SMCHD1: variants seen among roughly 807,000 people sequenced by gnomAD.
The protein encoded by SMCHD1 is structural maintenance of chromosomes flexible hinge domain containing 1, also known as structural maintenance of chromosomes flexible hinge domain-containing protein 1.
A neutral mutation model predicts 254.7 loss-of-function variants in SMCHD1; 78 were observed. The ratio of observed to expected loss-of-function variants is 0.31; its 90% CI spans 0.26 to 0.37. The LOEUF (loss-of-function observed/expected upper bound fraction) is 0.37. Ranked by LOEUF, SMCHD1 falls within the 10% of genes least tolerant of loss-of-function variation. SMCHD1 has a pLI of 1.00. For synonymous variants in SMCHD1, 766 were observed against 794.9 expected (o/e 0.96, Z 0.61); for missense variants, 1,840 against 2,408.1 (o/e 0.76, Z 4.94).
chr18:2,718,105 T>C lies in SMCHD1; in HGVS notation c.2261-53T>C, dbSNP rs1046029855. 5.7e-6 allele frequency: 8 copies of C among 1,397,716 alleles called. No individual in the cohort carries two copies. In the South Asian group the frequency reaches 8.6e-5, roughly 15 times the overall value. The allele number at this position is 1,397,716 out of a possible 1,614,324, so 86.6% of individuals were successfully genotyped here. On this transcript the variant is annotated intron_variant, in intron 17 of 47. Coordinates refer to ENST00000320876, the MANE Select transcript of SMCHD1 (RefSeq NM_015295.3). The surrounding 1 kb of genome is among the most constrained non-coding windows in gnomAD (Gnocchi z 4.6). ...TGCCAATGTGACATTGCGTATTTCA[T>C]GTTTTACGTTGAATTTCTCAAGACA...
At chr18:2,683,466 C>T (rs971220461) in intron 5 of SMCHD1, among the ~76,000 whole-genome samples, 3 of 152,116 alleles carry the variant, frequency 2.0e-5, no homozygotes, top group East Asian at 1.9e-4. Context: ...AGTGTAATTT[C>T]GTGATAGCTA....
chr18:2,789,501 AGT>A (rs2076286607), intron 45 of SMCHD1, among the ~76,000 whole-genome samples: 1 of 110,806 alleles, frequency 9.0e-6, no homozygotes, highest in South Asian at 3.5e-4. Context: ...AAAAGAAAAA[AGT>A]GAGAGAGTAG....
intron 44 of SMCHD1, 85 bp from the exon 45 acceptor site, chr18:2,784,365 A>T (rs1436902070): frequency 1.7e-6 from 2 of 1,175,920 alleles, no homozygotes; most frequent in Non-Finnish European, 2.4e-6. Flanking sequence ...GTCATTTCTA[A>T]TCTCAGAAAC....
intron 17 of SMCHD1, among the ~76,000 whole-genome samples, chr18:2,710,954 T>G (rs2074652728): frequency 6.6e-6 from 1 of 151,992 alleles, no homozygotes; most frequent in Non-Finnish European, 1.5e-5. Context: ...AAGTGATGTA[T>G]TGCGTTGATT....
intron 47 of SMCHD1, among the ~76,000 whole-genome samples, chr18:2,798,286 T>C (rs917292796): frequency 1.3e-5 from 2 of 152,164 alleles, no homozygotes; most frequent in African/African-American, 4.8e-5. Context: ...GTATCACACA[T>C]GTAGGCATGT....
Position 2,707,789 on chromosome 18 carries a change from T to G in SMCHD1, c.2147-18T>G. On this transcript the variant is annotated intron_variant, in intron 16 of 47. Coordinates refer to ENST00000320876, the MANE Select transcript of SMCHD1 (RefSeq NM_015295.3). ...ATTTTTGGGTGTAATTAAGATACTT[T>G]TAATTTTTGACTCATAGGTGCGTTA... The G allele has an allele frequency of 6.3e-7, 1 of 1,580,346 alleles. No individual in the cohort carries two copies. Among genetic ancestry groups the G allele is most frequent in the East Asian group, 2.2e-5 (1 of 44,584 alleles).
At chr18:2,748,380 G>GTGTATATGTGTATATA (rs1555646670) in intron 30 of SMCHD1, among the ~76,000 whole-genome samples, 1 of 80,278 alleles carries the variant, frequency 1.2e-5, no homozygotes, top group Non-Finnish European at 2.2e-5. Context: ...GTGTGTGTGT[G>GTGTATATGTGTATATA]TGTATATAAA....
chr18:2,696,869 C>T (rs891336543), intron 8 of SMCHD1, among the ~76,000 whole-genome samples, 163 bp from the exon 9 acceptor site: 7 of 152,036 alleles, frequency 4.6e-5, no homozygotes, highest in African/African-American at 1.7e-4. Context: ...TGCAGTAATA[C>T]CTGCATCTCA....
intron 34 of SMCHD1, among the ~76,000 whole-genome samples, chr18:2,759,571 C>CTCTTTTTTTTTT (rs1204847128): frequency 1.4e-5 from 1 of 69,518 alleles, no homozygotes. Flanking sequence ...TTAATTCTCT[C>CTCTTTTTTTTTT]TTTTTTTTTT....
chr18:2,761,464 G>T (rs897420875), intron 35 of SMCHD1, among the ~76,000 whole-genome samples: 47 of 152,166 alleles, frequency 3.1e-4, no homozygotes, highest in Non-Finnish European at 7.3e-5. Context: ...TAGTATTTCA[G>T]TTATTAGAAT....
chr18:2,766,362 T>C lies in SMCHD1; in HGVS notation c.4719+2573T>C, dbSNP rs556261610. Reference sequence around the variant, plus strand: ...AAACCTGCTGTATATACTCCTGAGATTCAGACAAGAGATTTAGCTATTCCC... The same window carrying C: ...AAACCTGCTGTATATACTCCTGAGACTCAGACAAGAGATTTAGCTATTCCC... On this transcript the variant is annotated intron_variant, in intron 37 of 47. Transcript: ENST00000320876. Among the ~76,000 whole-genome samples the C allele has an allele frequency of 2.0e-5, 3 of 152,360 alleles. No homozygotes were observed. In the East Asian group the frequency reaches 5.8e-4, roughly 29 times the overall value.
At chr18:2,764,288 A>G (rs950483238) in intron 37 of SMCHD1, among the ~76,000 whole-genome samples, 4 of 152,158 alleles carry the variant, frequency 2.6e-5, no homozygotes, top group African/African-American at 7.2e-5. Flanking sequence ...CGGCATATAC[A>G]CTAATGCTGC....
chr18:2,696,953 T>C, intron 8 of SMCHD1, 79 bp from the exon 9 acceptor site: 1 of 681,692 alleles, frequency 1.5e-6, no homozygotes. Flanking sequence ...TAAATAGTGT[T>C]AAAATATTTT....
chr18:2,705,712 C>T lies in SMCHD1; in HGVS notation c.1861C>T (p.Leu621Phe). ...ATATTAGGTCAAGACAATCAAGACACTTCCCCTCTTTTATGGAAGCATAGT... is the reference window on the plus strand; with the variant it reads ...ATATTAGGTCAAGACAATCAAGACATTTCCCCTCTTTTATGGAAGCATAGT... The part of the protein sequence containing the change: ...AGQLVKTIKT[L>F]PLFYGSIVRF... The change falls in exon 14 of 48, where the codon CTT becomes TTT. Residue 621 changes from leucine to phenylalanine, a missense_variant. By Grantham distance (22) the Leu-to-Phe change is conservative. Around this residue, in one of 9 missense-constraint regions of SMCHD1, gnomAD observed 498 missense variants for 743.5 expected, o/e 0.67. Transcript: ENST00000320876. 3 of 1,585,858 alleles carry T rather than the reference C, an allele frequency of 1.9e-6. No individual in the cohort carries two copies. In the Middle Eastern group the frequency reaches 5.0e-4, roughly 266 times the overall value.
In SMCHD1 at chr18:2,700,937, A is replaced by T. The variant is rs751278744; in HGVS notation, c.1647+19A>T. The T allele has an allele frequency of 6.7e-7, 1 of 1,503,748 alleles. No individual in the cohort carries two copies. Among genetic ancestry groups the T allele is most frequent in the Non-Finnish European group, 9.0e-7 (1 of 1,110,568 alleles). 93.2% of individuals were successfully genotyped at this position (1,503,748 alleles called of 1,614,324 possible). A position where few individuals can be genotyped will look rare whatever the true frequency, so the allele number is the denominator to read the frequency against. ...TGGACAGGTATGATTTTTAAATATA[A>T]AGTTGTGAATATTTGCAAATGTTTT... On this transcript the variant is annotated intron_variant, in intron 12 of 47. Transcript: ENST00000320876.
At chr18:2,799,119 T>C (rs1213876821) in intron 47 of SMCHD1, among the ~76,000 whole-genome samples, 1 of 152,188 alleles carries the variant, frequency 6.6e-6, no homozygotes, top group Non-Finnish European at 1.5e-5. Context: ...ACATATATAA[T>C]TTTAAATTCT....
rs142523333 is a variant in SMCHD1 at position 2,658,899 on chromosome 18, C to T, written c.186+2638C>T. 9.0e-4 allele frequency among the ~76,000 whole-genome samples: 134 copies of T among 149,642 alleles called. 1 individual carries two copies. Among genetic ancestry groups the T allele is most frequent in the Middle Eastern group, 3.5e-3 (1 of 282 alleles). On this transcript the variant is annotated intron_variant, in intron 1 of 47. Coordinates refer to ENST00000320876, the MANE Select transcript of SMCHD1 (RefSeq NM_015295.3). ...ATACACACATATATACACATATATA[C>T]GTGTATACGCATATATACATATATA...
chr18:2,734,968 G>A (rs956587562), intron 25 of SMCHD1, among the ~76,000 whole-genome samples: 5 of 151,904 alleles, frequency 3.3e-5, no homozygotes, highest in African/African-American at 4.8e-5. Context: ...CTACTCAGGA[G>A]GCTGAGAGAG....
intron 33 of SMCHD1, 34 bp from the exon 34 acceptor site, chr18:2,752,454 C>G: frequency 6.8e-7 from 1 of 1,463,560 alleles, no homozygotes; most frequent in Non-Finnish European, 9.6e-7. Context: ...TTGTCATTTT[C>G]CCCTCTCCCC....
Sources: allele counts gnomAD v4.1 joint callset (sites outside exome capture counted in the v4.1 genomes callset), GRCh38; gene constraint gnomAD v4.1.1; regional missense constraint gnomAD v4.1.1; non-coding constraint Gnocchi (gnomAD v3.1); transcripts MANE v1.5; gene names NCBI Gene and HGNC (gene_info 2026-07-23, HGNC 2026-07-21).